ABR: variants seen among roughly 807,000 people sequenced by gnomAD.
ABR encodes the protein active breakpoint cluster region-related protein.
ABR carries 35 observed loss-of-function variants against 107.2 expected under a neutral mutation model. The ratio of observed to expected loss-of-function variants is 0.33; its 90% CI spans 0.25 to 0.43. The LOEUF (loss-of-function observed/expected upper bound fraction) is 0.43. Among genes scored for constraint, ABR ranks in the 20% least tolerant of loss-of-function variants. ABR has a pLI of 1.00. For missense variants in ABR, 815 were observed against 1,115.2 expected, an observed-to-expected ratio of 0.73 and a Z score of 3.83; for synonymous variants, 498 against 462.0, an observed-to-expected ratio of 1.08 and a Z score of -1.00.
rs916518234 is a variant in ABR, at chr17:1,070,434, G to A, written c.895-344C>T. ...GCCTGGCACATTAAGTGTGTGCAAC[G>A]CACGGGGCTCTCCGCGGCTAACCCT... On this transcript the variant is annotated intron_variant, in intron 8 of 22. Transcript: ENST00000302538. This position sits in a 1 kb window ranked among gnomAD's most constrained non-coding sequence, Gnocchi z 4.2. Among the ~76,000 whole-genome samples the A allele has an allele frequency of 2.6e-5, 4 of 152,158 alleles. No individual in the cohort carries two copies. The highest frequency in any genetic ancestry group is 2.0e-4 in the Admixed American group (3 of 15,280).
At chr17:1,201,385 G>C (rs1352395483) in intron 1 of ABR, among the ~76,000 whole-genome samples, 1 of 152,144 alleles carries the variant, frequency 6.6e-6, no homozygotes, top group African/African-American at 2.4e-5. Context: ...ATCGTGAAAA[G>C]AAGACACCCC....
chr17:1,079,804 A>G (rs1313592674), intron 5 of ABR, among the ~76,000 whole-genome samples: 6 of 99,816 alleles, frequency 6.0e-5, no homozygotes, highest in Non-Finnish European at 9.0e-5. Context: ...AAAAAAAAAA[A>G]AAAAAAAAAA....
chr17:1,057,894 T>C, intron 12 of ABR, 76 bp downstream of exon 12: 1 of 1,362,202 alleles, frequency 7.3e-7, no homozygotes, highest in Admixed American at 1.7e-5. Flanking sequence ...ATACTGGACA[T>C]GAAACGCTTA....
chr17:1,005,933 G>A lies in ABR; in HGVS notation c.*147C>T, dbSNP rs574573769. On this transcript the variant is annotated 3_prime_UTR_variant, in exon 23 of 23. Transcript: ENST00000302538. The stretch of plus-strand genomic sequence containing the variant: ...CTTTGTACAAGGTGGCACAAAAGAC[G>A]TACGCATTCCAGTTCTTGGAAGCTG... 305 of 751,260 alleles carry A rather than the reference G, an allele frequency of 4.1e-4. 1 individual carries two copies. Among genetic ancestry groups the A allele is most frequent in the Non-Finnish European group, 5.5e-4 (244 of 447,274 alleles). 46.5% of individuals were successfully genotyped at this position (751,260 alleles called of 1,614,324 possible).
intron 1 of ABR, among the ~76,000 whole-genome samples, chr17:1,167,969 T>C: frequency 6.6e-6 from 1 of 151,084 alleles, no homozygotes; most frequent in South Asian, 2.1e-4. Context: ...CTGGCCAACA[T>C]GGTGAAACCC....
chr17:1,172,957 C>CATCACCTCAGCCCACCCAACA lies in ABR; in HGVS notation c.61+6709_61+6710insTGTTGGGTGGGCTGAGGTGAT, dbSNP rs1471187082. Among the ~76,000 whole-genome samples the CATCACCTCAGCCCACCCAACA allele has an allele frequency of 2.7e-4, 30 of 110,300 alleles. 1 individual carries two copies. Among genetic ancestry groups the CATCACCTCAGCCCACCCAACA allele is most frequent in the African/African-American group, 8.3e-4 (28 of 33,752 alleles). The allele number at this position is 110,300 out of a possible 152,430, so 72.4% of individuals were successfully genotyped here. A position where few individuals can be genotyped will look rare whatever the true frequency, so the allele number is the denominator to read the frequency against. On this transcript the variant is annotated intron_variant, in intron 1 of 22. Transcript: ENST00000302538. Reference sequence around the variant, plus strand: ...GAACAGAGCAGGTAATCCACCCCCCCCATCACCTCAGCCCACCCAACACAT... The same window carrying CATCACCTCAGCCCACCCAACA: ...GAACAGAGCAGGTAATCCACCCCCCCATCACCTCAGCCCACCCAACACATCACCTCAGCCCACCCAACACAT...
At chr17:1,044,936 A>G (rs2031328951) in intron 16 of ABR, among the ~76,000 whole-genome samples, 1 of 152,254 alleles carries the variant, frequency 6.6e-6, no homozygotes, top group Non-Finnish European at 1.5e-5. Flanking sequence ...TCTACAAAGA[A>G]TATAAAGTAC....
chr17:1,183,098 A>G (rs1320684793), upstream of ABR, among the ~76,000 whole-genome samples: 1 of 152,148 alleles, frequency 6.6e-6, no homozygotes, highest in Non-Finnish European at 1.5e-5. Context: ...TGCTACCCTG[A>G]AGTGCTCTAA....
intron 2 of ABR, chr17:1,109,130 G>T: frequency 6.6e-7 from 1 of 1,523,642 alleles, no homozygotes; most frequent in South Asian, 1.3e-5. Flanking sequence ...GGCGGGAGGA[G>T]GGAGGAGGGA....
intron 16 of ABR, among the ~76,000 whole-genome samples, chr17:1,021,676 T>C (rs370028405): frequency 7.3e-4 from 110 of 150,956 alleles, no homozygotes; most frequent in East Asian, 1.8e-3. Context: ...TGGTGGCGGG[T>C]GCCTGTAATC....
upstream of ABR, among the ~76,000 whole-genome samples, chr17:1,180,340 C>T (rs2042092862): frequency 6.6e-6 from 1 of 152,056 alleles, no homozygotes; most frequent in South Asian, 2.1e-4. Context: ...GCTTCGCGGG[C>T]GGGAGCGGCG....
At chr17:1,213,065 G>C (rs2042934571) in intron 1 of ABR, among the ~76,000 whole-genome samples, 1 of 152,120 alleles carries the variant, frequency 6.6e-6, no homozygotes, top group African/African-American at 2.4e-5. Flanking sequence ...ATCTAACCAC[G>C]CACAGAGCTT....
intron 9 of ABR, among the ~76,000 whole-genome samples, chr17:1,068,021 C>A (rs11652302): frequency 0.21 from 32,025 of 152,176 alleles, 3,565 homozygotes; most frequent in South Asian, 0.25. Flanking sequence ...CAACCTCTGC[C>A]TCCAGGGTTC....
intron 1 of ABR, among the ~76,000 whole-genome samples, chr17:1,172,668 GAA>G (rs772559070): frequency 1.0e-3 from 157 of 152,154 alleles, no homozygotes; most frequent in Admixed American, 2.4e-3. Flanking sequence ...AGAATCGCTT[GAA>G]CCCAGGAGGT....
At chr17:1,153,772 C>A in intron 1 of ABR, 1 of 212,468 alleles carries the variant, frequency 4.7e-6, no homozygotes, top group East Asian at 1.7e-4. Flanking sequence ...GGGGTCCAGG[C>A]ACACCTGCGG....
At chr17:1,096,014 G>A (rs1227040795) in intron 3 of ABR, among the ~76,000 whole-genome samples, 1 of 152,204 alleles carries the variant, frequency 6.6e-6, no homozygotes. Flanking sequence ...GCCTCACCCT[G>A]TGGCCCCAGC....
chr17:1,188,509 C>T (rs1188299554), upstream of ABR, among the ~76,000 whole-genome samples: 6 of 150,628 alleles, frequency 4.0e-5, no homozygotes, highest in Admixed American at 6.6e-5. Flanking sequence ...AAGATCGCAC[C>T]ACTGTACTCC....
intron 4 of ABR, among the ~76,000 whole-genome samples, chr17:1,088,760 T>C (rs1423844644): frequency 1.3e-5 from 2 of 151,778 alleles, no homozygotes; most frequent in Non-Finnish European, 2.9e-5. Context: ...GGCTAATTTT[T>C]GTATTTTTAG....
At chr17:1,145,782 C>G (rs1173055610) in intron 1 of ABR, among the ~76,000 whole-genome samples, 1 of 152,244 alleles carries the variant, frequency 6.6e-6, no homozygotes, top group African/African-American at 2.4e-5. Context: ...CCAGGGTGCC[C>G]TTCAATCCCA....
Sources: allele counts gnomAD v4.1 joint callset (sites outside exome capture counted in the v4.1 genomes callset), GRCh38; gene constraint gnomAD v4.1.1; non-coding constraint Gnocchi (gnomAD v3.1); transcripts MANE v1.5; gene names NCBI Gene and HGNC (gene_info 2026-07-23, HGNC 2026-07-21).